Variants in SLC26A11 observed in about 807,000 individuals in gnomAD.
The protein encoded by SLC26A11 is solute carrier family 26 member 11, also known as sodium-independent sulfate anion transporter.
Under a neutral mutation model 62.2 loss-of-function variants are expected in SLC26A11, and 58 were observed. The observed-to-expected ratio is 0.93, with a 90% CI of 0.76 to 1.16. The LOEUF (loss-of-function observed/expected upper bound fraction) is 1.16, where lower values mean the gene tolerates loss of function less well. Among genes scored for constraint, SLC26A11 ranks in the 50% most tolerant of loss-of-function variants. The pLI, the probability that SLC26A11 is intolerant of heterozygous loss-of-function variation, is 0.00. For missense variants in SLC26A11, 790 were observed against 794.3 expected (o/e 0.99, Z 0.06); for synonymous variants, 411 against 368.9 (o/e 1.11, Z -1.31).
intron 9 of SLC26A11, among the ~76,000 whole-genome samples, chr17:80,239,702 G>T (rs1469002177): frequency 2.0e-5 from 3 of 152,024 alleles, no homozygotes; most frequent in South Asian, 2.1e-4. Context: ...TAGAGACAAG[G>T]TCTCACTTTG....
intron 7 of SLC26A11, among the ~76,000 whole-genome samples, chr17:80,236,583 G>T (rs1034128668): frequency 6.6e-6 from 1 of 152,190 alleles, no homozygotes; most frequent in Non-Finnish European, 1.5e-5. Flanking sequence ...TTTGGGAAAG[G>T]GGGTAAATCT....
intron 2 of SLC26A11, 79 bp from the exon 3 acceptor site, chr17:80,221,469 C>A: frequency 9.1e-7 from 1 of 1,097,782 alleles, no homozygotes; most frequent in Non-Finnish European, 1.3e-6. Flanking sequence ...CTCCTGACAC[C>A]CGCCGACCCT....
intron 5 of SLC26A11, among the ~76,000 whole-genome samples, chr17:80,224,828 C>T (rs965290415): frequency 3.3e-5 from 5 of 152,044 alleles, no homozygotes; most frequent in Admixed American, 1.3e-4. Flanking sequence ...ACCCTAGCCC[C>T]GCCCAGGGAC....
intron 10 of SLC26A11, 67 bp from the exon 11 acceptor site, chr17:80,245,129 C>T: frequency 6.7e-7 from 1 of 1,487,248 alleles, no homozygotes; most frequent in Non-Finnish European, 9.4e-7. Flanking sequence ...TGTCCCCCTC[C>T]CCATCTCCTT....
chr17:80,248,638 G>T lies in SLC26A11; in HGVS notation c.1486G>T (p.Ala496Ser). The change falls in exon 15 of 18, where the codon GCT becomes TCT. Residue 496 changes from alanine to serine, a missense_variant. Transcript: ENST00000361193. Reference sequence around the variant, plus strand: ...CGGCCTGTCCTTCCCTGCCATGGAGGCTCTGCGGGAGGAGATCCTAAGCCG... The same window carrying T: ...CGGCCTGTCCTTCCCTGCCATGGAGTCTCTGCGGGAGGAGATCCTAAGCCG... ...ASGLSFPAME[A>S]LREEILSRAL... The T allele has an allele frequency of 6.3e-7, 1 of 1,584,288 alleles. No homozygotes were observed. Among genetic ancestry groups the T allele is most frequent in the Non-Finnish European group, 8.6e-7 (1 of 1,165,300 alleles).
chr17:80,240,316 A>G (rs1013799090), intron 9 of SLC26A11, among the ~76,000 whole-genome samples: 22 of 151,932 alleles, frequency 1.4e-4, no homozygotes, highest in Admixed American at 1.1e-3. Flanking sequence ...GCAGTGAGCC[A>G]AGATCGCGCC....
In SLC26A11 at chr17:80,246,331, G is replaced by C; in HGVS notation, c.1153+122G>C. On this transcript the variant is annotated intron_variant, in intron 12 of 17. Coordinates refer to ENST00000361193, the MANE Select transcript of SLC26A11 (RefSeq NM_001166347.2). This position sits in a 1 kb window ranked among gnomAD's most constrained non-coding sequence, Gnocchi z 4.4. The stretch of plus-strand genomic sequence containing the variant: ...GCGCCCCGGGACTGCACAGGGACTT[G>C]GGGGGCCACACAGGAGTAGGGGGAC... The C allele has an allele frequency of 7.0e-7, 1 of 1,427,112 alleles. No individual in the cohort carries two copies. The highest frequency in any genetic ancestry group is 9.5e-7 in the Non-Finnish European group (1 of 1,057,644). The allele number at this position is 1,427,112 out of a possible 1,614,324, so 88.4% of individuals were successfully genotyped here. A position where few individuals can be genotyped will look rare whatever the true frequency, so the allele number is the denominator to read the frequency against.
At chr17:80,225,032 G>A (rs1435718293) in intron 5 of SLC26A11, among the ~76,000 whole-genome samples, 1 of 152,016 alleles carries the variant, frequency 6.6e-6, no homozygotes, top group East Asian at 1.9e-4. Flanking sequence ...CTCCTGTTGG[G>A]TCTCAGGCGA....
chr17:80,224,306 TGTGAGAGA>T (rs2042322120), intron 5 of SLC26A11, among the ~76,000 whole-genome samples: 1 of 137,702 alleles, frequency 7.3e-6, no homozygotes, highest in Non-Finnish European at 1.5e-5. Flanking sequence ...TGCGTGTGTG[TGTGAGAGA>T]GTGTGAGTGT....
At chr17:80,230,241 C>T (rs190513839) in intron 7 of SLC26A11, among the ~76,000 whole-genome samples, 11 of 151,816 alleles carry the variant, frequency 7.2e-5, no homozygotes, top group African/African-American at 2.7e-4. Flanking sequence ...CTTAGAGACC[C>T]CATGTTTTTC....
intron 16 of SLC26A11, among the ~76,000 whole-genome samples, chr17:80,250,033 G>A (rs1320446030): frequency 6.6e-6 from 1 of 152,186 alleles, no homozygotes; most frequent in African/African-American, 2.4e-5. Flanking sequence ...TAAAGTGTAA[G>A]GGCTGGGTCC....
intron 7 of SLC26A11, among the ~76,000 whole-genome samples, chr17:80,236,545 C>T (rs1020505453): frequency 9.9e-5 from 15 of 152,206 alleles, no homozygotes; most frequent in Non-Finnish European, 1.8e-4. Context: ...TCCACTGTCC[C>T]GCATCTTGGA....
At chr17:80,250,035 G>A (rs2043117459) in intron 16 of SLC26A11, among the ~76,000 whole-genome samples, 1 of 152,150 alleles carries the variant, frequency 6.6e-6, no homozygotes, top group Non-Finnish European at 1.5e-5. Context: ...AAGTGTAAGG[G>A]CTGGGTCCCA....
chr17:80,245,372 C>G (rs939857504), intron 11 of SLC26A11, 116 bp downstream of exon 11: 3 of 979,042 alleles, frequency 3.1e-6, no homozygotes, highest in Non-Finnish European at 4.8e-6. Context: ...GTGAACGCTC[C>G]GTGGAGAGGC....
chr17:80,227,880 G>C lies in SLC26A11; in HGVS notation c.656G>C (p.Arg219Pro). ...CTGCTGCTGGTGCTGAAGCTGATGCGGGACCACGTGCCTCCCGTCCACCCC... is the reference window on the plus strand; with the variant it reads ...CTGCTGCTGGTGCTGAAGCTGATGCCGGACCACGTGCCTCCCGTCCACCCC... ...MLLLLVLKLMRDHVPPVHPEM... is the reference protein window; with the variant it reads ...MLLLLVLKLMPDHVPPVHPEM... Residue 219 changes from arginine (R) to proline (P), a missense_variant, in exon 7 of 18, where the codon CGG (arginine) becomes CCG (proline). Physicochemically the swap from Arg to Pro is moderately radical, Grantham distance 103. Transcript: ENST00000361193. 1 of 1,602,318 alleles carries C rather than the reference G, an allele frequency of 6.2e-7. No individual in the cohort carries two copies. Among genetic ancestry groups the C allele is most frequent in the Non-Finnish European group, 8.5e-7 (1 of 1,179,830 alleles).
chr17:80,229,439 G>GT (rs111878466), intron 7 of SLC26A11, among the ~76,000 whole-genome samples: 26,245 of 151,250 alleles, frequency 0.17, 2,856 homozygotes, highest in East Asian at 0.61. Flanking sequence ...TTTGTTTTTT[G>GT]GTTTTTTTTG....
rs532380089 is a variant in SLC26A11, at chr17:80,228,113, A to C, written c.736+153A>C. On this transcript the variant is annotated intron_variant, in intron 7 of 17. Coordinates refer to ENST00000361193, the MANE Select transcript of SLC26A11 (RefSeq NM_001166347.2). This position sits in a 1 kb window ranked among gnomAD's most constrained non-coding sequence, Gnocchi z 4.1. Reference sequence around the variant, plus strand: ...AAAACACCACACCAAACTCTGGGACATGTACTTTTTATTTAATTAATTAAT... The same window carrying C: ...AAAACACCACACCAAACTCTGGGACCTGTACTTTTTATTTAATTAATTAAT... Among the ~76,000 whole-genome samples the C allele has an allele frequency of 2.6e-5, 4 of 152,238 alleles. No individual in the cohort carries two copies. Among genetic ancestry groups the C allele is most frequent in the African/African-American group, 9.6e-5 (4 of 41,538 alleles).
At position 80,252,825 on chromosome 17, in the gene SLC26A11, C is replaced by A; in HGVS notation, c.*109C>A. On this transcript the variant is annotated 3_prime_UTR_variant, in exon 18 of 18. Transcript: ENST00000361193. The surrounding 1 kb of genome is among the most constrained non-coding windows in gnomAD (Gnocchi z 5.2). ...TAGACATGCTGGCCTGGCTGAGAAA[C>A]CCCTGAGCAGGTAACCCAGGGAAGA... The A allele has an allele frequency of 2.0e-6, 2 of 1,003,840 alleles. No individual in the cohort carries two copies. Among genetic ancestry groups the A allele is most frequent in the South Asian group, 1.5e-5 (1 of 66,074 alleles). The allele number at this position is 1,003,840 out of a possible 1,614,324, so 62.2% of individuals were successfully genotyped here. A position where few individuals can be genotyped will look rare whatever the true frequency, so the allele number is the denominator to read the frequency against.
At chr17:80,221,990 C>G (rs2042221754) in intron 3 of SLC26A11, 196 bp downstream of exon 3, 1 of 610,744 alleles carries the variant, frequency 1.6e-6, no homozygotes, top group Admixed American at 3.3e-5. Flanking sequence ...AGACACTGAG[C>G]TGGTTATGGA....
Sources: allele counts gnomAD v4.1 joint callset (sites outside exome capture counted in the v4.1 genomes callset), GRCh38; gene constraint gnomAD v4.1.1; non-coding constraint Gnocchi (gnomAD v3.1); transcripts MANE v1.5; gene names NCBI Gene and HGNC (gene_info 2026-07-23, HGNC 2026-07-21).